Variants in MAP4 observed in about 807,000 individuals in gnomAD.
The protein encoded by MAP4 is microtubule-associated protein 4.
Under a neutral mutation model 170.2 loss-of-function variants are expected in MAP4, and 76 were observed. That is an observed-to-expected ratio of 0.45 (90% CI 0.37 to 0.54). The LOEUF (loss-of-function observed/expected upper bound fraction) is 0.54. Among genes scored for constraint, MAP4 ranks in the 20% least tolerant of loss-of-function variants. The probability of loss-of-function intolerance (pLI) is 0.00; values close to 1 mark genes in which losing one functional copy is unlikely to be tolerated. For synonymous variants in MAP4, 909 were observed against 994.5 expected (o/e 0.91, Z 1.62); for missense variants, 2,506 against 2,748.0 (o/e 0.91, Z 1.97).
intron 10 of MAP4, among the ~76,000 whole-genome samples, chr3:47,888,576 A>T (rs1182340188): frequency 6.6e-6 from 1 of 152,112 alleles, no homozygotes; most frequent in African/African-American, 2.4e-5. Context: ...AACACATCTG[A>T]ACATCAGAAG....
At chr3:47,954,772 G>A (rs184242205) in intron 3 of MAP4, among the ~76,000 whole-genome samples, 2 of 152,190 alleles carry the variant, frequency 1.3e-5, no homozygotes, top group Admixed American at 1.3e-4. Context: ...TAGATGAAAT[G>A]CTTAGCTCAA....
intron 3 of MAP4, among the ~76,000 whole-genome samples, chr3:47,930,081 C>T (rs2100048589): frequency 6.6e-6 from 1 of 151,808 alleles, no homozygotes; most frequent in African/African-American, 2.4e-5. Flanking sequence ...AGTGAGCTGA[C>T]ATTGTGCCAC....
At chr3:47,981,996 C>T (rs940533798) in intron 2 of MAP4, among the ~76,000 whole-genome samples, 3 of 151,766 alleles carry the variant, frequency 2.0e-5, no homozygotes, top group African/African-American at 7.3e-5. Context: ...AAATTACAAC[C>T]TATGTTGGCC....
chr3:47,918,707 C>G lies in MAP4; in HGVS notation c.652+12G>C. 1 of 1,601,706 alleles carries G rather than the reference C, an allele frequency of 6.2e-7. No individual in the cohort carries two copies. The highest frequency in any genetic ancestry group is 8.6e-7 in the Non-Finnish European group (1 of 1,169,460). ...AACCATTAACTGATAAAGGGAGTCT[C>G]TAATAGTTTACCTGCCGTTGGCTGA... is the stretch of plus-strand genomic sequence containing the variant. On this transcript the variant is annotated intron_variant, in intron 6 of 20. Transcript: ENST00000683076.
chr3:47,909,998 T>C lies in MAP4; in HGVS notation c.4423A>G (p.Lys1475Glu). 1.2e-6 allele frequency: 2 copies of C among 1,614,044 alleles called. No homozygotes were observed. The highest frequency in any genetic ancestry group is 1.7e-6 in the Non-Finnish European group (2 of 1,179,894). ...GQEIAPAQIS[K>E]SLMVDNYTKD... ...GTGTAGTTATCTACCATTAATGATT[T>C]GGAAATCTGGGCTGGGGCTATCTCT... The change falls in exon 9 of 21, where the codon AAA becomes GAA. Residue 1475 changes from lysine (K) to glutamate (E), a missense_variant. Lys to Glu is a moderately conservative substitution (Grantham distance 56). Around this residue, in one of 3 missense-constraint regions of MAP4, gnomAD observed 2,008 missense variants for 2,206.0 expected, o/e 0.91. Coordinates refer to ENST00000683076, the MANE Select transcript of MAP4 (RefSeq NM_001385682.1).
intron 3 of MAP4, among the ~76,000 whole-genome samples, chr3:47,968,293 C>A (rs1259714157): frequency 6.6e-6 from 1 of 152,172 alleles, no homozygotes; most frequent in African/African-American, 2.4e-5. Context: ...ACAGAACATT[C>A]CACCCGCATC....
At position 47,998,802 on chromosome 3, in the gene MAP4, T is replaced by C. The variant is rs1366354998; in HGVS notation, c.59A>G (p.Glu20Gly). 6.2e-7 allele frequency: 1 copy of C among 1,614,166 alleles called. No individual in the cohort carries two copies. Among genetic ancestry groups the C allele is most frequent in the Non-Finnish European group, 8.5e-7 (1 of 1,180,032 alleles). The change falls in exon 2 of 21, where the codon GAG becomes GGG. Residue 20 changes from glutamate (E) to glycine (G), a missense_variant. By Grantham distance (98) the Glu-to-Gly change is moderately conservative. This residue lies in a region of MAP4 where 2,008 missense variants were observed against 2,206.0 expected (regional missense o/e 0.91). Coordinates refer to ENST00000683076, the MANE Select transcript of MAP4 (RefSeq NM_001385682.1). ...LTEPSPDIEGEIKRDFIATLE... is the reference protein window; with the variant it reads ...LTEPSPDIEGGIKRDFIATLE... ...TGTGGCAATGAAGTCCCGCTTTATC[T>C]CTCCCTCAATGTCTGGAGATGGTTC...
At chr3:47,869,115 T>C in intron 16 of MAP4, 99 bp downstream of exon 16, 1 of 911,748 alleles carries the variant, frequency 1.1e-6, no homozygotes, top group South Asian at 1.4e-5. Flanking sequence ...AGAAACTAGT[T>C]AGGGAAAGGG....
At chr3:47,894,434 T>C (rs149421704) in intron 10 of MAP4, among the ~76,000 whole-genome samples, 30 of 151,986 alleles carry the variant, frequency 2.0e-4, no homozygotes, top group African/African-American at 7.0e-4. Flanking sequence ...ATACAAAAAA[T>C]TAGCTGGGCA....
rs2149509417 is a variant in MAP4 at position 47,853,246 on chromosome 3, C to T, written c.6803G>A (p.Ser2268Asn). The T allele has an allele frequency of 1.9e-6, 3 of 1,589,754 alleles. No homozygotes were observed. The highest frequency in any genetic ancestry group is 1.7e-4 in the Middle Eastern group (1 of 5,914). Residue 2268 changes from serine to asparagine, a missense_variant, in exon 20 of 21, where the codon AGT becomes AAT. Physicochemically the swap from Ser to Asn is conservative, Grantham distance 46 (BLOSUM62 1). Transcript: ENST00000683076. ...CAGGGTGGGGTGGCCATTGAGGCCA[C>T]TGGCTGAAGTGGGGGCGCCAGCTTC... ...APEAGAPTSA[S>N]GLNGHPTLSG...
intron 3 of MAP4, chr3:47,975,448 G>C: frequency 6.4e-7 from 1 of 1,569,274 alleles, no homozygotes; most frequent in Non-Finnish European, 8.6e-7. Flanking sequence ...CCCCAGTGTT[G>C]AGAGACACGC....
At chr3:47,867,153 G>T in intron 17 of MAP4, 93 bp downstream of exon 17, 1 of 857,172 alleles carries the variant, frequency 1.2e-6, no homozygotes, top group South Asian at 1.5e-5. Context: ...TCAGGTCACT[G>T]GGATTCTATC....
rs2100083167 is a variant in MAP4, at chr3:47,977,943, T to C, written c.224-10A>G. 9 of 1,586,262 alleles carry C rather than the reference T, an allele frequency of 5.7e-6. No individual in the cohort carries two copies. In the South Asian group the frequency reaches 8.9e-5, roughly 16 times the overall value. ...TTAGAAGATGGAGTATCTGCAACAATGACAAATAATTACCCATTGTGACAG... is the reference window on the plus strand; with the variant it reads ...TTAGAAGATGGAGTATCTGCAACAACGACAAATAATTACCCATTGTGACAG... On this transcript the variant is annotated splice_polypyrimidine_tract_variant and intron_variant, in intron 2 of 20. Coordinates refer to ENST00000683076, the MANE Select transcript of MAP4 (RefSeq NM_001385682.1).
intron 1 of MAP4, among the ~76,000 whole-genome samples, chr3:48,055,037 T>C (rs1400168961): frequency 2.0e-5 from 3 of 152,094 alleles, no homozygotes; most frequent in Non-Finnish European, 4.4e-5. Context: ...CAATACCCCT[T>C]CCAAGGTGGA....
intron 1 of MAP4, among the ~76,000 whole-genome samples, chr3:48,010,533 G>A (rs890470718): frequency 2.6e-5 from 4 of 152,158 alleles, no homozygotes; most frequent in Admixed American, 2.6e-4. Flanking sequence ...TACATTAGGT[G>A]TAATTATGAC....
chr3:48,053,742 C>G (rs1451120111), intron 1 of MAP4, among the ~76,000 whole-genome samples: 1 of 152,108 alleles, frequency 6.6e-6, no homozygotes, highest in Admixed American at 6.6e-5. Context: ...TATTGATGAT[C>G]TCCAGAATGT....
intron 10 of MAP4, among the ~76,000 whole-genome samples, chr3:47,886,842 C>T (rs2097675585): frequency 6.6e-6 from 1 of 152,232 alleles, no homozygotes; most frequent in South Asian, 2.1e-4. Context: ...TATTTCCCCT[C>T]TCATATCCTC....
intron 10 of MAP4, among the ~76,000 whole-genome samples, chr3:47,886,692 A>G (rs2097652314): frequency 6.6e-6 from 1 of 152,196 alleles, no homozygotes; most frequent in African/African-American, 2.4e-5. Flanking sequence ...TCCTTCAATG[A>G]ACTGTGCTCT....
intron 10 of MAP4, among the ~76,000 whole-genome samples, chr3:47,885,682 G>A (rs1165984900): frequency 6.6e-6 from 1 of 151,604 alleles, no homozygotes; most frequent in Non-Finnish European, 1.5e-5. Context: ...AAATGTAATG[G>A]GGAAAAACCA....
Sources: allele counts gnomAD v4.1 joint callset (sites outside exome capture counted in the v4.1 genomes callset), GRCh38; gene constraint gnomAD v4.1.1; regional missense constraint gnomAD v4.1.1; transcripts MANE v1.5; gene names NCBI Gene and HGNC (gene_info 2026-07-23, HGNC 2026-07-21).